The following UNC13B variants were observed in gnomAD, a reference collection of about 807,000 sequenced individuals.
The protein encoded by UNC13B is unc-13 homolog B, also known as protein unc-13 homolog B.
Under a neutral mutation model 211.0 loss-of-function variants are expected in UNC13B, and 144 were observed. The ratio of observed to expected loss-of-function variants is 0.68; its 90% CI spans 0.60 to 0.78. UNC13B has a LOEUF of 0.78. UNC13B is among the 30% of genes least tolerant of loss of function. The pLI is 0.00. For missense variants in UNC13B, 1,777 were observed against 2,002.0 expected, an observed-to-expected ratio of 0.89 and a Z score of 2.14; for synonymous variants, 709 against 725.8, an observed-to-expected ratio of 0.98 and a Z score of 0.37.
intron 11 of UNC13B, among the ~76,000 whole-genome samples, chr9:35,344,134 A>G (rs1452902826): frequency 6.6e-6 from 1 of 152,148 alleles, no homozygotes; most frequent in African/African-American, 2.4e-5. Flanking sequence ...GAGCCCTGTC[A>G]CAGCATCCCT....
At chr9:35,211,866 C>T (rs564545641) in intron 1 of UNC13B, among the ~76,000 whole-genome samples, 214 of 152,222 alleles carry the variant, frequency 1.4e-3, no homozygotes, top group African/African-American at 4.8e-3. Flanking sequence ...GAGGCTGAGG[C>T]GGGAGGATGG....
intron 1 of UNC13B, among the ~76,000 whole-genome samples, chr9:35,212,186 T>A (rs74543768): frequency 0.014 from 2,075 of 152,310 alleles, 31 homozygotes; most frequent in Non-Finnish European, 0.02. Flanking sequence ...ATCAGAGCAA[T>A]CTATAAGAAT....
chr9:35,311,533 T>C (rs1830181320), intron 10 of UNC13B, among the ~76,000 whole-genome samples: 1 of 152,204 alleles, frequency 6.6e-6, no homozygotes, highest in African/African-American at 2.4e-5. Context: ...TATGTACAGG[T>C]ATATGTGTAT....
At chr9:35,180,620 A>T (rs1423709568) in intron 1 of UNC13B, among the ~76,000 whole-genome samples, 1 of 152,096 alleles carries the variant, frequency 6.6e-6, no homozygotes, top group Non-Finnish European at 1.5e-5. Context: ...TCAATTTTAT[A>T]CTGCATTGTT....
At chr9:35,323,321 T>C (rs1444639071) in intron 11 of UNC13B, among the ~76,000 whole-genome samples, 1 of 152,206 alleles carries the variant, frequency 6.6e-6, no homozygotes, top group Non-Finnish European at 1.5e-5. Flanking sequence ...TAAATAGTTA[T>C]ATAGTATTTC....
intron 7 of UNC13B, among the ~76,000 whole-genome samples, chr9:35,272,703 T>A (rs1052008157): frequency 1.3e-5 from 2 of 152,250 alleles, no homozygotes; most frequent in Non-Finnish European, 2.9e-5. Flanking sequence ...TAGATTCACT[T>A]TTTTAGTTTG....
intron 1 of UNC13B, among the ~76,000 whole-genome samples, chr9:35,217,466 G>A (rs1198510581): frequency 1.3e-5 from 2 of 149,658 alleles, no homozygotes; most frequent in Non-Finnish European, 3.0e-5. Context: ...TCAGCTCACT[G>A]CAAGCTCCGC....
In UNC13B at chr9:35,400,316, C is replaced by G. The variant is rs1836212290; in HGVS notation, c.12357C>G (p.Gly4119=). ...DTIKQYFHAG[G]NGLKKTFLEK... is the part of the protein sequence containing the mutation. ...TGCAGCAATACTTCCATGCAGGAGG[C>G]AATGGGCTGAAGAAAACCTTCCTGG... is the stretch of plus-strand genomic sequence containing the variant. The change falls in exon 37 of 40, where the codon GGC becomes GGG. Residue 4119 remains glycine (G), a synonymous_variant. Coordinates refer to ENST00000635942, the MANE Select transcript of UNC13B (RefSeq NM_001371189.2). 2.5e-6 allele frequency: 4 copies of G among 1,613,956 alleles called. No individual in the cohort carries two copies. In the South Asian group the frequency reaches 3.3e-5, roughly 13 times the overall value.
At chr9:35,245,253 A>G (rs1032614035) in intron 6 of UNC13B, among the ~76,000 whole-genome samples, 8 of 152,108 alleles carry the variant, frequency 5.3e-5, no homozygotes, top group African/African-American at 1.9e-4. Context: ...TATAACTTAT[A>G]CAAAAATTGT....
At chr9:35,275,128 C>T (rs1258518516) in intron 7 of UNC13B, among the ~76,000 whole-genome samples, 1 of 151,990 alleles carries the variant, frequency 6.6e-6, no homozygotes, top group African/African-American at 2.4e-5. Flanking sequence ...AGCTCAGAGT[C>T]TTTTTTTCTC....
At chr9:35,352,501 A>G (rs902096492) in intron 11 of UNC13B, 15 of 1,232,070 alleles carry the variant, frequency 1.2e-5, no homozygotes, top group Non-Finnish European at 1.2e-5. Context: ...TTCAACAACA[A>G]CATCAGGATT....
At chr9:35,395,248 T>C (rs1462818391) in intron 26 of UNC13B, among the ~76,000 whole-genome samples, 3 of 152,216 alleles carry the variant, frequency 2.0e-5, no homozygotes, top group Admixed American at 2.0e-4. Flanking sequence ...GAACATTTAG[T>C]TGTCCTTTTG....
At chr9:35,363,877 G>GCAATCTA (rs1833594136) in intron 11 of UNC13B, among the ~76,000 whole-genome samples, 1 of 152,150 alleles carries the variant, frequency 6.6e-6, no homozygotes, top group Non-Finnish European at 1.5e-5. Context: ...TTGCAGTCAT[G>GCAATCTA]GTTTTATCAT....
chr9:35,305,233 T>A lies in UNC13B; in HGVS notation c.5829T>A (p.Asn1943Lys), dbSNP rs1829866228. ...AAAAACAGTCATCTGGATTTTTGAA[T>A]CTTTTTAAGACTCAGGTGAATAAAG... Reference protein sequence around the residue: ...ANEKQSSGFLNLFKTQVNKEG... With the variant: ...ANEKQSSGFLKLFKTQVNKEG... Residue 1943 changes from asparagine (N) to lysine (K), a missense_variant, in exon 9 of 40, where the codon AAT (asparagine) becomes AAA (lysine). Transcript: ENST00000635942. 1 of 398,850 alleles carries A rather than the reference T, an allele frequency of 2.5e-6. No individual in the cohort carries two copies. The highest frequency in any genetic ancestry group is 4.4e-5 in the Admixed American group (1 of 22,712). 24.7% of individuals were successfully genotyped at this position (398,850 alleles called of 1,614,324 possible).
chr9:35,340,151 A>G (rs1831899128), intron 11 of UNC13B, among the ~76,000 whole-genome samples: 1 of 152,214 alleles, frequency 6.6e-6, no homozygotes, highest in Admixed American at 6.5e-5. Flanking sequence ...GACAGTTTTC[A>G]AGTTATTTTT....
intron 1 of UNC13B, among the ~76,000 whole-genome samples, chr9:35,217,661 T>A: frequency 6.6e-6 from 1 of 152,138 alleles, no homozygotes; most frequent in East Asian, 1.9e-4. Flanking sequence ...AGTGCTGGGA[T>A]TACAGGCGTG....
chr9:35,277,389 G>C (rs141554565), intron 7 of UNC13B, among the ~76,000 whole-genome samples: 2 of 152,142 alleles, frequency 1.3e-5, no homozygotes, highest in East Asian at 1.9e-4. Context: ...AGCTTTGTTG[G>C]CTATATTGTA....
chr9:35,388,468 A>G (rs1835325234), intron 24 of UNC13B, among the ~76,000 whole-genome samples: 1 of 152,224 alleles, frequency 6.6e-6, no homozygotes, highest in African/African-American at 2.4e-5. Context: ...TACTTACGGC[A>G]TCCAGCTGTG....
chr9:35,317,203 T>C (rs1452013985), intron 11 of UNC13B, among the ~76,000 whole-genome samples: 1 of 152,126 alleles, frequency 6.6e-6, no homozygotes, highest in Non-Finnish European at 1.5e-5. Context: ...AACAAATGTT[T>C]GTTTATTTAT....
Sources: gnomAD v4.1 joint callset for allele counts (sites outside exome capture counted in the v4.1 genomes callset) on GRCh38, gnomAD v4.1.1 for gene constraint, MANE v1.5 for transcripts, NCBI Gene and HGNC (gene_info 2026-07-23, HGNC 2026-07-21) for gene names.